Variants in TNNI3K observed in about 807,000 individuals in gnomAD.
TNNI3K encodes TNNI3 interacting kinase.
TNNI3K carries 140 observed loss-of-function variants against 114.5 expected under a neutral mutation model. The observed-to-expected ratio is 1.22, with a 90% CI of 1.07 to 1.41. The LOEUF is 1.41. TNNI3K is among the 40% of genes most tolerant of loss of function. The probability of loss-of-function intolerance (pLI) is 0.00; values close to 1 mark genes in which losing one functional copy is unlikely to be tolerated. For synonymous variants in TNNI3K, 347 were observed against 347.5 expected (o/e 1.00, Z 0.02); for missense variants, 1,125 against 1,007.6 (o/e 1.12, Z -1.58).
chr1:74,368,946 A>G (rs1452466552), intron 13 of TNNI3K, 76 bp from the exon 14 acceptor site: 11 of 1,142,222 alleles, frequency 9.6e-6, no homozygotes, highest in Admixed American at 2.7e-5. Context: ...TTAGTTAAAT[A>G]TATATATGCA....
At chr1:74,441,043 C>A (rs754078758) in intron 20 of TNNI3K, among the ~76,000 whole-genome samples, 1 of 152,126 alleles carries the variant, frequency 6.6e-6, no homozygotes, top group Non-Finnish European at 1.5e-5. Flanking sequence ...CCCAAGCCAT[C>A]TTTCCTTTAA....
At chr1:74,241,389 C>A (rs965666274) in intron 2 of TNNI3K, among the ~76,000 whole-genome samples, 1 of 152,206 alleles carries the variant, frequency 6.6e-6, no homozygotes, top group Non-Finnish European at 1.5e-5. Context: ...AGTTTACAGT[C>A]CCACCAATGG....
At chr1:74,239,331 G>T (rs1430737307) in intron 2 of TNNI3K, among the ~76,000 whole-genome samples, 4 of 152,128 alleles carry the variant, frequency 2.6e-5, no homozygotes, top group African/African-American at 7.2e-5. Context: ...AATGTAAATT[G>T]TCTTACTCAC....
chr1:74,352,491 A>G lies in TNNI3K; in HGVS notation c.933-775A>G, dbSNP rs1661413497. ...GCTGGGAGAACCACTACTCTCTTCA[A>G]AGCTGTCAGACAGGGACATTTAAGT... On this transcript the variant is annotated intron_variant, in intron 9 of 24. Transcript: ENST00000326637. 1.3e-5 allele frequency among the ~76,000 whole-genome samples: 2 copies of G among 152,168 alleles called. 1 individual carries two copies. Among genetic ancestry groups the G allele is most frequent in the South Asian group, 4.1e-4 (2 of 4,830 alleles).
intron 2 of TNNI3K, among the ~76,000 whole-genome samples, chr1:74,242,100 T>G (rs972593899): frequency 6.6e-6 from 1 of 151,944 alleles, no homozygotes. Context: ...CTGCCCACCT[T>G]GGCCTCCCAA....
chr1:74,339,287 G>A (rs1379723160), intron 7 of TNNI3K, among the ~76,000 whole-genome samples: 4 of 152,210 alleles, frequency 2.6e-5, no homozygotes, highest in South Asian at 2.1e-4. Flanking sequence ...AAGAGACGGC[G>A]TGACTCACAT....
chr1:74,359,312 G>A (rs557370886), intron 11 of TNNI3K, among the ~76,000 whole-genome samples: 35 of 152,132 alleles, frequency 2.3e-4, no homozygotes, highest in African/African-American at 8.2e-4. Flanking sequence ...AATGGCGGCA[G>A]CTCTTATTGG....
At chr1:74,473,015 A>G (rs1278518809) in intron 21 of TNNI3K, among the ~76,000 whole-genome samples, 1 of 152,120 alleles carries the variant, frequency 6.6e-6, no homozygotes, top group Non-Finnish European at 1.5e-5. Flanking sequence ...CTACAGCCCT[A>G]TAGGCACATG....
intron 2 of TNNI3K, among the ~76,000 whole-genome samples, chr1:74,243,538 G>A (rs1654374721): frequency 1.3e-5 from 2 of 152,126 alleles, no homozygotes; most frequent in African/African-American, 4.8e-5. Context: ...TTGGAGAGCA[G>A]TGTGTTACTT....
intron 17 of TNNI3K, among the ~76,000 whole-genome samples, chr1:74,405,939 C>G (rs1024653017): frequency 6.6e-6 from 1 of 152,156 alleles, no homozygotes; most frequent in African/African-American, 2.4e-5. Context: ...GCTGGTATAA[C>G]AAATAACCAC....
intron 5 of TNNI3K, among the ~76,000 whole-genome samples, chr1:74,310,438 A>G (rs185536745): frequency 3.3e-5 from 5 of 152,252 alleles, no homozygotes; most frequent in African/African-American, 1.2e-4. Flanking sequence ...CAAATTACCA[A>G]TGTCATTTTT....
chr1:74,442,967 A>G (rs1222767053), intron 20 of TNNI3K, among the ~76,000 whole-genome samples: 1 of 152,200 alleles, frequency 6.6e-6, no homozygotes, highest in South Asian at 2.1e-4. Flanking sequence ...GAAACCAGTG[A>G]GAACAAAGAG....
intron 5 of TNNI3K, among the ~76,000 whole-genome samples, chr1:74,312,549 T>C (rs1659052885): frequency 6.6e-6 from 1 of 152,264 alleles, no homozygotes; most frequent in Non-Finnish European, 1.5e-5. Context: ...AATGAGATCT[T>C]GTATATTTTT....
chr1:74,520,265 T>C (rs1216699829), intron 23 of TNNI3K, among the ~76,000 whole-genome samples: 1 of 152,150 alleles, frequency 6.6e-6, no homozygotes, highest in Non-Finnish European at 1.5e-5. Context: ...TTGACTCAAC[T>C]GGAATCTTGA....
intron 5 of TNNI3K, among the ~76,000 whole-genome samples, chr1:74,313,749 T>C (rs1407189231): frequency 6.6e-6 from 1 of 152,094 alleles, no homozygotes; most frequent in African/African-American, 2.4e-5. Context: ...AAAGCTATTC[T>C]CTGTACTCTG....
chr1:74,454,554 T>A (rs1347212550), intron 20 of TNNI3K, among the ~76,000 whole-genome samples: 1 of 152,192 alleles, frequency 6.6e-6, no homozygotes, highest in Non-Finnish European at 1.5e-5. Flanking sequence ...AGGATTTCAT[T>A]CTTTTTATGT....
At chr1:74,476,118 CATT>C (rs567805277) in intron 21 of TNNI3K, among the ~76,000 whole-genome samples, 89 of 152,242 alleles carry the variant, frequency 5.8e-4, no homozygotes, top group Admixed American at 1.4e-3. Flanking sequence ...CCTGCAGTAA[CATT>C]ATTTTTTCGG....
Position 74,380,440 on chromosome 1 carries a change from C to T in TNNI3K, c.1772+10048C>T, listed in dbSNP as rs553324094. Among the ~76,000 whole-genome samples the T allele has an allele frequency of 2.0e-5, 3 of 152,270 alleles. No homozygotes were observed. The East Asian group carries it at 5.8e-4, about 29-fold the overall frequency. On this transcript the variant is annotated intron_variant, in intron 17 of 24. Coordinates refer to ENST00000326637, the MANE Select transcript of TNNI3K (RefSeq NM_015978.3). ...ACTCACACGGTGCGAATGCTCAAAG[C>T]TAGCGTGGTAACTGTACCTTCCCTG...
intron 24 of TNNI3K, among the ~76,000 whole-genome samples, chr1:74,543,026 G>A (rs988794220): frequency 2.0e-5 from 3 of 146,546 alleles, no homozygotes; most frequent in African/African-American, 7.4e-5. Context: ...GTTTGAGAAA[G>A]AAAGGCTCTT....
Sources: allele counts gnomAD v4.1 joint callset (sites outside exome capture counted in the v4.1 genomes callset), GRCh38; gene constraint gnomAD v4.1.1; transcripts MANE v1.5; gene names NCBI Gene and HGNC (gene_info 2026-07-23, HGNC 2026-07-21).